Variants in STAG1 observed in about 807,000 individuals in gnomAD.
STAG1 encodes cohesin subunit SA-1.
STAG1 carries 26 observed loss-of-function variants against 170.9 expected under a neutral mutation model. The ratio of observed to expected loss-of-function variants is 0.15; its 90% CI spans 0.11 to 0.21. The LOEUF (loss-of-function observed/expected upper bound fraction) is 0.21, where lower values mean the gene tolerates loss of function less well. STAG1 is among the 10% of genes least tolerant of loss of function. STAG1 has a pLI of 1.00. For missense variants in STAG1, 964 were observed against 1,509.5 expected (o/e 0.64, Z 5.99); for synonymous variants, 514 against 497.7 (o/e 1.03, Z -0.44).
At chr3:136,708,910 C>T (rs1474001713) in intron 1 of STAG1, among the ~76,000 whole-genome samples, 1 of 151,248 alleles carries the variant, frequency 6.6e-6, no homozygotes. Flanking sequence ...GCTGAATCAA[C>T]CCTCCCACCT....
intron 10 of STAG1, among the ~76,000 whole-genome samples, chr3:136,475,016 A>C (rs1404953882): frequency 6.6e-6 from 1 of 152,104 alleles, no homozygotes; most frequent in African/African-American, 2.4e-5. Context: ...ATACCCTCTA[A>C]GGTACAATTT....
chr3:136,582,624 C>T (rs763530618), intron 4 of STAG1, among the ~76,000 whole-genome samples: 3 of 152,154 alleles, frequency 2.0e-5, no homozygotes, highest in East Asian at 1.9e-4. Context: ...TGTGGCGAAA[C>T]GCCATCTCTA....
At chr3:136,433,951 T>A (rs2088382594) in intron 15 of STAG1, among the ~76,000 whole-genome samples, 1 of 152,132 alleles carries the variant, frequency 6.6e-6, no homozygotes, top group Admixed American at 6.6e-5. Flanking sequence ...TCCTTCTACA[T>A]AATTTCAAAA....
chr3:136,447,880 G>A (rs575211567), intron 14 of STAG1, among the ~76,000 whole-genome samples: 176 of 152,168 alleles, frequency 1.2e-3, no homozygotes, highest in Middle Eastern at 3.4e-3. Flanking sequence ...ACCTCCTAAA[G>A]TGCTGGGTTT....
chr3:136,462,681 AAC>A (rs2089307985), intron 13 of STAG1, among the ~76,000 whole-genome samples: 1 of 152,226 alleles, frequency 6.6e-6, no homozygotes, highest in East Asian at 1.9e-4. Flanking sequence ...GAAAGTTCCC[AAC>A]ACAAAGAAAT....
At chr3:136,732,264 T>C (rs1175687173) in intron 1 of STAG1, among the ~76,000 whole-genome samples, 1 of 147,768 alleles carries the variant, frequency 6.8e-6, no homozygotes, top group Non-Finnish European at 1.5e-5. Context: ...AAAAAACACC[T>C]TAGTCACAAT....
At chr3:136,514,400 A>C (rs1934239454) in intron 7 of STAG1, among the ~76,000 whole-genome samples, 1 of 152,234 alleles carries the variant, frequency 6.6e-6, no homozygotes, top group Non-Finnish European at 1.5e-5. Context: ...ATCATTAAAA[A>C]GTCAGGAAAC....
At chr3:136,709,204 C>A (rs1351987670) in intron 1 of STAG1, among the ~76,000 whole-genome samples, 1 of 151,750 alleles carries the variant, frequency 6.6e-6, no homozygotes, top group Non-Finnish European at 1.5e-5. Context: ...GCAGGAGATT[C>A]ACATGAACCC....
intron 3 of STAG1, among the ~76,000 whole-genome samples, chr3:136,618,328 G>T (rs1236857231): frequency 6.6e-6 from 1 of 152,208 alleles, no homozygotes; most frequent in African/African-American, 2.4e-5. Context: ...GGCGCCACAT[G>T]CGTCAGGGAT....
At chr3:136,624,501 G>C (rs1940006992) in intron 2 of STAG1, among the ~76,000 whole-genome samples, 1 of 152,176 alleles carries the variant, frequency 6.6e-6, no homozygotes, top group Non-Finnish European at 1.5e-5. Flanking sequence ...TAGGATGCAA[G>C]TAAAATTATA....
At chr3:136,722,680 C>G (rs1435620490) in intron 1 of STAG1, among the ~76,000 whole-genome samples, 4 of 149,950 alleles carry the variant, frequency 2.7e-5, no homozygotes, top group East Asian at 2.0e-4. Context: ...TCCCTCTCCC[C>G]CCTTTCCCTC....
rs560798221 is a variant in STAG1 at position 136,406,926 on chromosome 3, T to C, written c.2197-8097A>G. 2.0e-5 allele frequency among the ~76,000 whole-genome samples: 3 copies of C among 152,376 alleles called. No individual in the cohort carries two copies. The South Asian group carries it at 6.2e-4, about 32-fold the overall frequency. On this transcript the variant is annotated intron_variant, in intron 21 of 33. Coordinates refer to ENST00000383202, the MANE Select transcript of STAG1 (RefSeq NM_005862.3). Reference sequence around the variant, plus strand: ...GCAATTCAAGACTCTGAAATTTTATTGTCAAGCTTACATATAAATTCCAAA... The same window carrying C: ...GCAATTCAAGACTCTGAAATTTTATCGTCAAGCTTACATATAAATTCCAAA...
Position 136,422,483 on chromosome 3 carries a change from T to C in STAG1, c.1964A>G (p.Asp655Gly), listed in dbSNP as rs1300766888. 2 of 1,614,100 alleles carry C rather than the reference T, an allele frequency of 1.2e-6. No individual in the cohort carries two copies. Among genetic ancestry groups the C allele is most frequent in the African/African-American group, 2.7e-5 (2 of 75,046 alleles). ...SEEYTIQNRV[D>G]IARSQLIDEF... ...ATCAATCAGCTGGCTTCGAGCTATG[T>C]CAACTCTGTTCTGGATGGTATATTC... is the stretch of plus-strand genomic sequence containing the variant. The change falls in exon 19 of 34, where the codon GAC (aspartate) becomes GGC (glycine). Residue 655 changes from aspartate (D) to glycine (G), a missense_variant. Coordinates refer to ENST00000383202, the MANE Select transcript of STAG1 (RefSeq NM_005862.3).
rs566408261 is a variant in STAG1, at chr3:136,487,158, T to G, written c.903-9746A>C. Among the ~76,000 whole-genome samples the G allele has an allele frequency of 8.9e-4, 135 of 152,168 alleles. 1 individual carries two copies. The highest frequency in any genetic ancestry group is 3.1e-3 in the African/African-American group (127 of 41,536). On this transcript the variant is annotated intron_variant, in intron 9 of 33. Coordinates refer to ENST00000383202, the MANE Select transcript of STAG1 (RefSeq NM_005862.3). Reference sequence around the variant, plus strand: ...CCCCAACTCCCAACAGGCACTGGTGTGTGCTGTTCCCCTCTGTGTGTCCAT... The same window carrying G: ...CCCCAACTCCCAACAGGCACTGGTGGGTGCTGTTCCCCTCTGTGTGTCCAT...
At chr3:136,488,326 T>C (rs2090056870) in intron 9 of STAG1, among the ~76,000 whole-genome samples, 1 of 152,218 alleles carries the variant, frequency 6.6e-6, no homozygotes, top group Admixed American at 6.5e-5. Flanking sequence ...TTTCGCCATG[T>C]TAGCCAGGCT....
At chr3:136,486,871 T>C (rs1389234497) in intron 9 of STAG1, among the ~76,000 whole-genome samples, 1 of 152,012 alleles carries the variant, frequency 6.6e-6, no homozygotes, top group Non-Finnish European at 1.5e-5. Flanking sequence ...AAAACATTTT[T>C]TACACCCATA....
At chr3:136,683,295 GCT>G (rs1186421762) in intron 1 of STAG1, among the ~76,000 whole-genome samples, 4 of 151,602 alleles carry the variant, frequency 2.6e-5, no homozygotes, top group African/African-American at 7.3e-5. Flanking sequence ...ATGGAGTCTG[GCT>G]CTGTCTCCCA....
At chr3:136,373,595 T>A (rs1376578008) in intron 23 of STAG1, among the ~76,000 whole-genome samples, 20 of 152,212 alleles carry the variant, frequency 1.3e-4, no homozygotes. Context: ...TCTGCCTTCA[T>A]TTCATTATGT....
At chr3:136,657,481 C>T (rs1178743747) in intron 1 of STAG1, among the ~76,000 whole-genome samples, 1 of 152,252 alleles carries the variant, frequency 6.6e-6, no homozygotes, top group African/African-American at 2.4e-5. Flanking sequence ...TAAGCCACCA[C>T]ACCCAGCCAT....
Sources: allele counts gnomAD v4.1 joint callset (sites outside exome capture counted in the v4.1 genomes callset), GRCh38; gene constraint gnomAD v4.1.1; transcripts MANE v1.5; gene names NCBI Gene and HGNC (gene_info 2026-07-23, HGNC 2026-07-21).